Variants in SLC14A2 observed in about 807,000 individuals in gnomAD.
SLC14A2 encodes urea transporter 2.
In SLC14A2, 91 loss-of-function variants were observed where a neutral mutation model predicts 104.6. That is an observed-to-expected ratio of 0.87 (90% CI 0.73 to 1.04). The LOEUF (loss-of-function observed/expected upper bound fraction) is 1.04, where lower values mean the gene tolerates loss of function less well. Ranked by LOEUF, SLC14A2 falls within the 50% of genes least tolerant of loss-of-function variation. The pLI, the probability that SLC14A2 is intolerant of heterozygous loss-of-function variation, is 0.00. For missense variants in SLC14A2, 1,189 were observed against 1,156.0 expected, an observed-to-expected ratio of 1.03 and a Z score of -0.41; for synonymous variants, 476 against 466.4, an observed-to-expected ratio of 1.02 and a Z score of -0.27.
intron 1 of SLC14A2, among the ~76,000 whole-genome samples, chr18:45,349,201 C>T (rs983325787): frequency 6.6e-6 from 1 of 152,182 alleles, no homozygotes; most frequent in African/African-American, 2.4e-5. Flanking sequence ...ACTATCAGTT[C>T]ACTGAAAAGC....
chr18:45,680,120 G>A (rs144689984), intron 19 of SLC14A2, among the ~76,000 whole-genome samples: 192 of 152,328 alleles, frequency 1.3e-3, no homozygotes, highest in African/African-American at 4.4e-3. Flanking sequence ...GAAACTCTGA[G>A]GGGGAATAAG....
chr18:45,478,844 C>T (rs766687123), intron 1 of SLC14A2, among the ~76,000 whole-genome samples: 2 of 152,064 alleles, frequency 1.3e-5, no homozygotes, highest in African/African-American at 2.4e-5. Context: ...TCTAACCTGC[C>T]TTCCCAACAG....
chr18:45,284,649 C>T (rs993027459), intron 1 of SLC14A2, among the ~76,000 whole-genome samples: 1 of 152,210 alleles, frequency 6.6e-6, no homozygotes, highest in African/African-American at 2.4e-5. Context: ...TTTTGCATTA[C>T]TTCTGTCACA....
At chr18:45,215,910 G>A (rs1351556202) in intron 1 of SLC14A2, among the ~76,000 whole-genome samples, 2 of 152,048 alleles carry the variant, frequency 1.3e-5, no homozygotes, top group African/African-American at 4.8e-5. Flanking sequence ...GGGAAGAAAC[G>A]AAATCCATGT....
At chr18:45,408,286 T>C (rs2086178501) in intron 1 of SLC14A2, among the ~76,000 whole-genome samples, 1 of 152,192 alleles carries the variant, frequency 6.6e-6, no homozygotes, top group South Asian at 2.1e-4. Flanking sequence ...AAGAAAAGCA[T>C]TCAAAATATT....
chr18:45,354,679 A>G (rs780271130), intron 1 of SLC14A2, among the ~76,000 whole-genome samples: 2 of 152,220 alleles, frequency 1.3e-5, no homozygotes, highest in Non-Finnish European at 2.9e-5. Context: ...CTGGTAAAGG[A>G]CAATTTCTGT....
At chr18:45,308,458 G>A (rs762822168) in intron 1 of SLC14A2, among the ~76,000 whole-genome samples, 3 of 152,194 alleles carry the variant, frequency 2.0e-5, no homozygotes, top group Non-Finnish European at 4.4e-5. Flanking sequence ...GTAAGTAGAA[G>A]AAACGTATTT....
chr18:45,567,275 A>G (rs1183675121), intron 2 of SLC14A2, among the ~76,000 whole-genome samples: 2 of 151,968 alleles, frequency 1.3e-5, no homozygotes, highest in East Asian at 3.9e-4. Context: ...AGCCTGTGGG[A>G]AAAGGGCCCA....
chr18:45,522,225 C>G (rs182501123), intron 2 of SLC14A2, among the ~76,000 whole-genome samples: 19 of 152,212 alleles, frequency 1.2e-4, no homozygotes, highest in Admixed American at 1.2e-3. Context: ...TTGGCAGCGT[C>G]AAGTTCTGGG....
chr18:45,417,503 G>A (rs1279101872), intron 1 of SLC14A2, among the ~76,000 whole-genome samples: 1 of 152,182 alleles, frequency 6.6e-6, no homozygotes, highest in Non-Finnish European at 1.5e-5. Context: ...ATGGCAGGAA[G>A]GAGAACTGCC....
the SLC14A2 span, among the ~76,000 whole-genome samples, chr18:45,196,781 CTG>C: frequency 6.6e-6 from 1 of 152,224 alleles, no homozygotes; most frequent in Admixed American, 6.5e-5. Flanking sequence ...ACTTCTCAAA[CTG>C]TGTTTCATAC....
chr18:45,319,220 G>A (rs775415836), intron 1 of SLC14A2, among the ~76,000 whole-genome samples: 13 of 152,156 alleles, frequency 8.5e-5, no homozygotes, highest in Non-Finnish European at 1.6e-4. Flanking sequence ...CCTCCTTGAT[G>A]AGGATAACCC....
chr18:45,539,958 G>A (rs1168139052), intron 2 of SLC14A2, among the ~76,000 whole-genome samples: 2 of 152,004 alleles, frequency 1.3e-5, no homozygotes, highest in African/African-American at 4.8e-5. Flanking sequence ...AATACTGTAT[G>A]TGAAACAGGG....
intron 2 of SLC14A2, among the ~76,000 whole-genome samples, chr18:45,606,539 C>A (rs1417011429): frequency 6.6e-6 from 1 of 152,028 alleles, no homozygotes; most frequent in African/African-American, 2.4e-5. Flanking sequence ...AATCAGTCAG[C>A]CACAATCACG....
At chr18:45,295,849 T>A (rs1163253869) in intron 1 of SLC14A2, among the ~76,000 whole-genome samples, 1 of 152,198 alleles carries the variant, frequency 6.6e-6, no homozygotes, top group Admixed American at 6.5e-5. Flanking sequence ...TGACTTTAGC[T>A]ATACGACTGC....
chr18:45,577,504 G>C (rs950254307), intron 2 of SLC14A2, among the ~76,000 whole-genome samples: 8 of 152,020 alleles, frequency 5.3e-5, no homozygotes, highest in African/African-American at 1.9e-4. Flanking sequence ...TTTCATAATA[G>C]AGTATTCACA....
intron 2 of SLC14A2, among the ~76,000 whole-genome samples, chr18:45,498,889 C>G (rs1261162743): frequency 1.3e-5 from 2 of 152,342 alleles, no homozygotes; most frequent in Middle Eastern, 3.4e-3. Flanking sequence ...CACCCACAGT[C>G]AGCTTTCTGT....
intron 10 of SLC14A2, among the ~76,000 whole-genome samples, chr18:45,661,387 G>A (rs117175685): frequency 4.9e-4 from 75 of 152,294 alleles, no homozygotes; most frequent in Non-Finnish European, 3.4e-4. Context: ...CATGCCCTCC[G>A]ATATCCAGGT....
intron 2 of SLC14A2, among the ~76,000 whole-genome samples, chr18:45,489,559 T>C (rs908178231): frequency 1.3e-5 from 2 of 152,178 alleles, no homozygotes; most frequent in Non-Finnish European, 2.9e-5. Flanking sequence ...GAATTTTTAA[T>C]ATTCTTCTTA....
Sources: gnomAD v4.1 joint callset for allele counts (sites outside exome capture counted in the v4.1 genomes callset) on GRCh38, gnomAD v4.1.1 for gene constraint, MANE v1.5 for transcripts, NCBI Gene and HGNC (gene_info 2026-07-23, HGNC 2026-07-21) for gene names.